Variants in ZNF117 observed in about 807,000 individuals in gnomAD.
ZNF117 encodes the protein Krueppel-related zinc finger protein.
In ZNF117, 37 loss-of-function variants were observed where a neutral mutation model predicts 41.2. The observed-to-expected ratio is 0.90, with a 90% CI of 0.69 to 1.18. ZNF117 has a LOEUF of 1.18. Among genes scored for constraint, ZNF117 ranks in the 50% most tolerant of loss-of-function variants. ZNF117 has a pLI of 0.00. For missense variants in ZNF117, 546 were observed against 557.5 expected (o/e 0.98, Z 0.21); for synonymous variants, 186 against 186.6 (o/e 1.00, Z 0.02).
intron 1 of ZNF117, among the ~76,000 whole-genome samples, chr7:64,989,476 TATATATATATATATATATATATAA>T (rs1786210816): frequency 2.0e-5 from 2 of 98,368 alleles, no homozygotes; most frequent in Non-Finnish European, 4.3e-5. Context: ...TATATATATA[TATATATATATATATATATATATAA>T]AACCTGAAAA....
In ZNF117 at chr7:64,979,160, G is replaced by C. The variant is rs1044098465; in HGVS notation, c.411C>G (p.Tyr137Ter). 1.2e-5 allele frequency: 20 copies of C among 1,605,190 alleles called. No individual in the cohort carries two copies. The East Asian group carries it at 4.5e-4, about 36-fold the overall frequency. The change falls in exon 3 of 3, where the codon TAC becomes TAG. Residue 137 changes from tyrosine (Y) to a stop codon, truncating the protein, a stop_gained. Coordinates refer to ENST00000620222, the Ensembl canonical transcript of ZNF117. LOFTEE classifies it high-confidence loss of function. Reference sequence around the variant, plus strand: ...AGGCTCTTCCATATGCTTCACATTTGTAGAAATTCACTCTAGTTTGGATTC... The same window carrying C: ...AGGCTCTTCCATATGCTTCACATTTCTAGAAATTCACTCTAGTTTGGATTC...
At chr7:64,975,704 T>C (rs969826108) in exon 3 of ZNF117, 3 of 152,138 alleles carry the variant, frequency 2.0e-5, no homozygotes, top group Admixed American at 2.0e-4. Context: ...CTAAAAATAT[T>C]TCTACCTCTT....
downstream of ZNF117, chr7:64,971,985 CTA>C (rs1470328311): frequency 7.2e-5 from 11 of 151,912 alleles, no homozygotes; most frequent in African/African-American, 2.7e-4. Flanking sequence ...ACTTAAATGA[CTA>C]TACAACAGAA....
chr7:64,988,019 C>T (rs772321997), intron 1 of ZNF117, among the ~76,000 whole-genome samples: 3 of 152,024 alleles, frequency 2.0e-5, no homozygotes, highest in Non-Finnish European at 4.4e-5. Flanking sequence ...TGAATTCTAC[C>T]AGATGTACAA....
chr7:64,978,387 C>T (rs1424280585), exon 3 of ZNF117: 1 of 1,613,516 alleles, frequency 6.2e-7, no homozygotes, highest in Non-Finnish European at 8.5e-7. Context: ...GAAAACTTTG[C>T]CAGATTCTCT....
At chr7:64,984,410 T>G (rs747942054), upstream of ZNF117, among the ~76,000 whole-genome samples, 69 of 152,296 alleles carry the variant, frequency 4.5e-4, no homozygotes, top group Non-Finnish European at 8.4e-4. Flanking sequence ...AACTTTCCGA[T>G]GAAGAATTAG....
At chr7:64,979,173 C>G (rs764762990) in exon 3 of ZNF117, 9 of 1,605,828 alleles carry the variant, frequency 5.6e-6, no homozygotes, top group South Asian at 4.5e-5. Flanking sequence ...GAAATTCACT[C>G]TAGTTTGGAT....
downstream of ZNF117, chr7:64,971,893 A>G (rs997372497): frequency 2.0e-5 from 3 of 152,104 alleles, no homozygotes; most frequent in Admixed American, 6.5e-5. Context: ...CAATCAACAA[A>G]ATGAGACAAC....
exon 3 of ZNF117, chr7:64,977,500 G>T: frequency 2.0e-6 from 1 of 506,012 alleles, no homozygotes; most frequent in Non-Finnish European, 3.9e-6. Context: ...TCTCCAGTAT[G>T]AATTCTTTTA....
exon 3 of ZNF117, chr7:64,976,843 G>T: frequency 2.3e-6 from 1 of 431,140 alleles, no homozygotes; most frequent in South Asian, 1.7e-5. Context: ...ATTTTCTTAT[G>T]TTTAGTAAAG....
exon 3 of ZNF117, chr7:64,979,079 A>G: frequency 6.2e-7 from 1 of 1,612,870 alleles, no homozygotes; most frequent in Non-Finnish European, 8.5e-7. Flanking sequence ...TACATTTGTA[A>G]GGTTTTTCTC....
At chr7:64,988,439 T>A (rs540980598) in intron 1 of ZNF117, among the ~76,000 whole-genome samples, 1 of 152,256 alleles carries the variant, frequency 6.6e-6, no homozygotes, top group East Asian at 1.9e-4. Context: ...AAACTAGGCA[T>A]AGAAGATACA....
chr7:64,972,509 G>A (rs1785799484), downstream of ZNF117: 1 of 151,888 alleles, frequency 6.6e-6, no homozygotes, highest in Non-Finnish European at 1.5e-5. Context: ...TTAACCTGGA[G>A]GACATCATAT....
intron 1 of ZNF117, among the ~76,000 whole-genome samples, chr7:64,989,164 T>C (rs7811549): frequency 3.9e-4 from 38 of 97,090 alleles, no homozygotes; most frequent in African/African-American, 9.6e-4. Flanking sequence ...CACACACACA[T>C]ATATACACAT....
At chr7:64,977,783 C>A in exon 3 of ZNF117, 1 of 893,650 alleles carries the variant, frequency 1.1e-6, no homozygotes, top group Non-Finnish European at 1.7e-6. Flanking sequence ...GAGTTGAGAA[C>A]TGGTTAAAAG....
chr7:64,976,589 G>T (rs988914722), exon 3 of ZNF117: 1 of 211,812 alleles, frequency 4.7e-6, no homozygotes, highest in Non-Finnish European at 9.6e-6. Context: ...TTTCTGAAGT[G>T]CTTTCCTGTG....
chr7:64,983,600 C>T (rs1420340604), upstream of ZNF117, among the ~76,000 whole-genome samples: 1 of 152,002 alleles, frequency 6.6e-6, no homozygotes, highest in Non-Finnish European at 1.5e-5. Context: ...GTCATGTCTT[C>T]CTCTTTCTCC....
intron 1 of ZNF117, among the ~76,000 whole-genome samples, chr7:64,987,314 T>A (rs1347867673): frequency 6.6e-6 from 1 of 152,118 alleles, no homozygotes; most frequent in East Asian, 1.9e-4. Context: ...AAAGAAGAAT[T>A]TATAGCACTA....
At chr7:64,982,172 C>T, upstream of ZNF117, 1 of 598,754 alleles carries the variant, frequency 1.7e-6, no homozygotes, top group Non-Finnish European at 2.9e-6. Context: ...ACCAAGTGGC[C>T]ATGGGCATAA....
Sources: allele counts gnomAD v4.1 joint callset (sites outside exome capture counted in the v4.1 genomes callset), GRCh38; gene constraint gnomAD v4.1.1; transcripts MANE v1.5; gene names NCBI Gene and HGNC (gene_info 2026-07-23, HGNC 2026-07-21).